Variants in GLE1 observed in about 807,000 individuals in gnomAD.
GLE1 encodes GLE1 RNA export mediator.
GLE1 carries 78 observed loss-of-function variants against 97.3 expected under a neutral mutation model. The ratio of observed to expected loss-of-function variants is 0.80; its 90% CI spans 0.67 to 0.97. GLE1 has a LOEUF of 0.97. Ranked by LOEUF, GLE1 falls within the 50% of genes least tolerant of loss-of-function variation. The probability of loss-of-function intolerance (pLI) is 0.00; values close to 1 mark genes in which losing one functional copy is unlikely to be tolerated. For missense variants in GLE1, 753 were observed against 857.5 expected (o/e 0.88, Z 1.52); for synonymous variants, 302 against 313.4 (o/e 0.96, Z 0.39).
chr9:128,538,138 C>T (rs766396131), intron 13 of GLE1, 48 bp downstream of exon 13: 5 of 976,364 alleles, frequency 5.1e-6, no homozygotes, highest in Non-Finnish European at 6.6e-6. Flanking sequence ...GTTGAGGTAG[C>T]CTTGATCCAC....
rs562412218 is a variant in GLE1, at chr9:128,538,270, C to T, written c.1881+180C>T. 2.5e-4 allele frequency among the ~76,000 whole-genome samples: 38 copies of T among 152,308 alleles called. No individual in the cohort carries two copies. The East Asian group carries it at 6.9e-3, about 28-fold the overall frequency. ...ACCTTGCTTTCACTTTTACTCCATACTATATTTACTTGGCTTCTCTGGATT... is the reference window on the plus strand; with the variant it reads ...ACCTTGCTTTCACTTTTACTCCATATTATATTTACTTGGCTTCTCTGGATT... On this transcript the variant is annotated intron_variant, in intron 13 of 15. Transcript: ENST00000309971.
At chr9:128,531,868 G>A (rs1847521416) in intron 9 of GLE1, among the ~76,000 whole-genome samples, 1 of 150,946 alleles carries the variant, frequency 6.6e-6, no homozygotes, top group Non-Finnish European at 1.5e-5. Context: ...ATGTCCATGA[G>A]TGGTTAGAAT....
chr9:128,529,097 G>T (rs916175500), intron 9 of GLE1: 1 of 152,204 alleles, frequency 6.6e-6, no homozygotes, highest in African/African-American at 2.4e-5. Context: ...CTGGAACAGG[G>T]CAAGGTATAA....
At chr9:128,536,826 C>A (rs896067385) in intron 12 of GLE1, 1 of 298,346 alleles carries the variant, frequency 3.4e-6, no homozygotes, top group South Asian at 3.1e-5. Context: ...AGATCACATA[C>A]CTTACTTCAC....
intron 6 of GLE1, among the ~76,000 whole-genome samples, chr9:128,524,540 CTTTTTTTTTTTTT>C (rs71381767): frequency 7.6e-5 from 3 of 39,620 alleles, no homozygotes; most frequent in Admixed American, 4.4e-4. Flanking sequence ...CTTTGCTTTG[CTTTTTTTTTTTTT>C]TTTTTTTTTT....
At chr9:128,534,684 T>A (rs1390168830) in intron 11 of GLE1, among the ~76,000 whole-genome samples, 1 of 151,802 alleles carries the variant, frequency 6.6e-6, no homozygotes, top group Non-Finnish European at 1.5e-5. Context: ...TCTACAGATG[T>A]AATAATATGT....
At chr9:128,524,735 T>A (rs1181648811) in intron 6 of GLE1, among the ~76,000 whole-genome samples, 1 of 151,284 alleles carries the variant, frequency 6.6e-6, no homozygotes, top group Non-Finnish European at 1.5e-5. Flanking sequence ...CTACTAAAAA[T>A]ACAAAAATTA....
At position 128,541,464 on chromosome 9, in the gene GLE1, G is replaced by A; in HGVS notation, c.*294G>A. The A allele has an allele frequency of 2.4e-6, 1 of 418,714 alleles. No homozygotes were observed. Among genetic ancestry groups the A allele is most frequent in the Non-Finnish European group, 4.4e-6 (1 of 226,520 alleles). The allele number at this position is 418,714 out of a possible 1,614,324, so 25.9% of individuals were successfully genotyped here. A position where few individuals can be genotyped will look rare whatever the true frequency, so the allele number is the denominator to read the frequency against. ...TCTTTAGCACTTGGTCTCCTCCCTT[G>A]TCTCTAGTGTCTTTCAGAAAGTTGG... On this transcript the variant is annotated 3_prime_UTR_variant, in exon 16 of 16. Coordinates refer to ENST00000309971, the MANE Select transcript of GLE1 (RefSeq NM_001003722.2).
chr9:128,514,473 GTC>G (rs1846919787), intron 2 of GLE1, among the ~76,000 whole-genome samples: 1 of 142,968 alleles, frequency 7.0e-6, no homozygotes, highest in Non-Finnish European at 1.5e-5. Flanking sequence ...TTGAGACGGA[GTC>G]TCTGTATCCC....
intron 2 of GLE1, among the ~76,000 whole-genome samples, chr9:128,514,292 T>G (rs116159280): frequency 0.024 from 3,397 of 141,476 alleles, 129 homozygotes; most frequent in African/African-American, 0.086. Context: ...TGATCCGTGA[T>G]CACGCCACTA....
chr9:128,538,762 C>T (rs558376198), intron 13 of GLE1, among the ~76,000 whole-genome samples: 47 of 152,284 alleles, frequency 3.1e-4, no homozygotes, highest in African/African-American at 1.1e-3. Flanking sequence ...TTAGTGTGAT[C>T]ATAGCTCACT....
chr9:128,512,425 A>G (rs576616171), intron 2 of GLE1, among the ~76,000 whole-genome samples: 5 of 152,348 alleles, frequency 3.3e-5, no homozygotes, highest in South Asian at 2.1e-4. Flanking sequence ...TATGAAAGAC[A>G]TTACTATTGG....
At chr9:128,523,555 AC>A in intron 5 of GLE1, 36 bp from the exon 6 acceptor site, 1 of 1,612,402 alleles carries the variant, frequency 6.2e-7, no homozygotes, top group Non-Finnish European at 8.5e-7. Context: ...AAGCCCAGGA[AC>A]CCCTCAGAGA....
At chr9:128,513,756 C>T (rs1366945492) in intron 2 of GLE1, among the ~76,000 whole-genome samples, 2 of 150,784 alleles carry the variant, frequency 1.3e-5, no homozygotes, top group Non-Finnish European at 2.9e-5. Context: ...GTGGCTCACG[C>T]CTGTAATCCC....
chr9:128,541,126 C>G lies in GLE1; in HGVS notation c.2053C>G (p.Pro685Ala). ...LEKCLQHKDI[P>A]VPKGFLTSSF... The stretch of plus-strand genomic sequence containing the variant: ...GAAATGTTTGCAACACAAGGACATT[C>G]CTGTCCCCAAGGGCTTTCTGACTTC... Residue 685 changes from proline (P) to alanine (A), a missense_variant, in exon 16 of 16, where the codon CCT (proline) becomes GCT (alanine). Physicochemically the swap from Pro to Ala is conservative, Grantham distance 27. Coordinates refer to ENST00000309971, the MANE Select transcript of GLE1 (RefSeq NM_001003722.2). 6.3e-7 allele frequency: 1 copy of G among 1,588,714 alleles called. No homozygotes were observed.
chr9:128,509,074 C>G lies in GLE1; in HGVS notation c.298C>G (p.Pro100Ala). ...AAGCTCTGCCTTTTCCCCAGCCTCCCCTGCAACACCAAATGGAACCAAGGT... is the reference window on the plus strand; with the variant it reads ...AAGCTCTGCCTTTTCCCCAGCCTCCGCTGCAACACCAAATGGAACCAAGGT... ...DASSAFSPAS[P>A]ATPNGTKGKD... The change falls in exon 2 of 16, where the codon CCT (proline) becomes GCT (alanine). Residue 100 changes from proline to alanine, a missense_variant. Physicochemically the swap from Pro to Ala is conservative, Grantham distance 27 (BLOSUM62 -1). Transcript: ENST00000309971. 1 of 1,608,940 alleles carries G rather than the reference C, an allele frequency of 6.2e-7. No homozygotes were observed. The highest frequency in any genetic ancestry group is 8.5e-7 in the Non-Finnish European group (1 of 1,175,268).
intron 2 of GLE1, among the ~76,000 whole-genome samples, chr9:128,509,394 T>G (rs971398032): frequency 6.6e-6 from 1 of 151,998 alleles, no homozygotes; most frequent in Non-Finnish European, 1.5e-5. Context: ...TCCCTTTTTG[T>G]GTTATCTGCT....
At chr9:128,539,935 C>T in intron 14 of GLE1, 1 of 1,183,758 alleles carries the variant, frequency 8.4e-7, no homozygotes, top group Non-Finnish European at 1.2e-6. Flanking sequence ...GGGCTGAGCA[C>T]AGTGGCTTAT....
In GLE1 at chr9:128,537,989, C is replaced by T. The variant is rs763021566; in HGVS notation, c.1780C>T (p.His594Tyr). 1 of 1,589,884 alleles carries T rather than the reference C, an allele frequency of 6.3e-7. No homozygotes were observed. The highest frequency in any genetic ancestry group is 8.6e-7 in the Non-Finnish European group (1 of 1,157,988). The change falls in exon 13 of 16, where the codon CAC becomes TAC. Residue 594 changes from histidine (H) to tyrosine (Y), a missense_variant. Transcript: ENST00000309971. The part of the protein sequence containing the change: ...RWPYGNRQEI[H>Y]PHGLNHGWRW... ...AACCAAGCTTCTCTACTCCCAGATT[C>T]ACCCTCATGGCTTAAATCATGGATG...
Sources: allele counts gnomAD v4.1 joint callset (sites outside exome capture counted in the v4.1 genomes callset), GRCh38; gene constraint gnomAD v4.1.1; transcripts MANE v1.5; gene names NCBI Gene and HGNC (gene_info 2026-07-23, HGNC 2026-07-21).